The following PPP1R9A variants were observed in gnomAD, a reference collection of about 807,000 sequenced individuals.
PPP1R9A encodes protein phosphatase 1 regulatory subunit 9A.
Under a neutral mutation model 141.9 loss-of-function variants are expected in PPP1R9A, and 59 were observed. The ratio of observed to expected loss-of-function variants is 0.42; its 90% CI spans 0.34 to 0.52. The LOEUF (loss-of-function observed/expected upper bound fraction) is 0.52. Ranked by LOEUF, PPP1R9A falls within the 20% of genes least tolerant of loss-of-function variation. The pLI, the probability that PPP1R9A is intolerant of heterozygous loss-of-function variation, is 0.10. For missense variants in PPP1R9A, 1,444 were observed against 1,611.9 expected, an observed-to-expected ratio of 0.90 and a Z score of 1.78; for synonymous variants, 500 against 569.7, an observed-to-expected ratio of 0.88 and a Z score of 1.74.
chr7:95,000,974 TG>T (rs1423663101), intron 2 of PPP1R9A, among the ~76,000 whole-genome samples: 2 of 152,318 alleles, frequency 1.3e-5, no homozygotes, highest in South Asian at 2.1e-4. Flanking sequence ...AAATTGTAAT[TG>T]TAATTATCTT....
chr7:94,920,775 A>C (rs1470398510), intron 2 of PPP1R9A, among the ~76,000 whole-genome samples: 1 of 152,240 alleles, frequency 6.6e-6, no homozygotes, highest in African/African-American at 2.4e-5. Flanking sequence ...AGGTTTCTTT[A>C]CAGGAATAAG....
intron 7 of PPP1R9A, among the ~76,000 whole-genome samples, chr7:95,223,282 T>C (rs1244208914): frequency 6.6e-6 from 1 of 152,050 alleles, no homozygotes; most frequent in East Asian, 1.9e-4. Context: ...GAAGAACGCT[T>C]AACAACGTAT....
At chr7:95,193,734 ATC>A (rs1835846132) in intron 5 of PPP1R9A, among the ~76,000 whole-genome samples, 1 of 152,082 alleles carries the variant, frequency 6.6e-6, no homozygotes, top group East Asian at 1.9e-4. Context: ...CTGCTTTAAA[ATC>A]TCTCACAGGG....
intron 8 of PPP1R9A, among the ~76,000 whole-genome samples, chr7:95,246,877 A>G (rs1204676068): frequency 6.6e-6 from 1 of 152,152 alleles, no homozygotes; most frequent in African/African-American, 2.4e-5. Context: ...TGAGTCTTCA[A>G]AAGGAGCAGA....
At chr7:95,273,335 C>G (rs1043205499) in intron 14 of PPP1R9A, among the ~76,000 whole-genome samples, 41 of 152,180 alleles carry the variant, frequency 2.7e-4, no homozygotes, top group Admixed American at 2.0e-4. Flanking sequence ...TCCCCCATGT[C>G]CTCCCCTCCT....
chr7:95,115,916 C>CAAAAAAA (rs746135056), intron 3 of PPP1R9A, among the ~76,000 whole-genome samples: 1 of 60,226 alleles, frequency 1.7e-5, no homozygotes. Flanking sequence ...GACTCTGTCT[C>CAAAAAAA]AAAAAAAAAA....
chr7:94,982,379 A>G (rs902351862), intron 2 of PPP1R9A, among the ~76,000 whole-genome samples: 26 of 152,322 alleles, frequency 1.7e-4, no homozygotes, highest in African/African-American at 6.3e-4. Flanking sequence ...TTCTAGTTCT[A>G]GATCCTTGAG....
intron 2 of PPP1R9A, among the ~76,000 whole-genome samples, chr7:95,027,390 C>A (rs900495659): frequency 6.6e-6 from 1 of 152,108 alleles, no homozygotes; most frequent in East Asian, 1.9e-4. Context: ...CACCCTGCTT[C>A]GGCTCGCCCC....
At chr7:95,175,256 T>TTGGA (rs61519780) in intron 5 of PPP1R9A, among the ~76,000 whole-genome samples, 108,567 of 146,588 alleles carry the variant, frequency 0.74, 41,064 homozygotes, top group Middle Eastern at 0.86. Flanking sequence ...CAATAACTAG[T>TTGGA]TGGATGGATG....
intron 4 of PPP1R9A, among the ~76,000 whole-genome samples, chr7:95,136,975 G>A (rs941539898): frequency 1.3e-5 from 2 of 152,138 alleles, no homozygotes; most frequent in Middle Eastern, 3.2e-3. Flanking sequence ...GGATAGGCAG[G>A]TGACTTCAAA....
chr7:95,250,229 G>T lies in PPP1R9A; in HGVS notation c.2370G>T (p.Lys790Asn). 4 of 1,608,702 alleles carry T rather than the reference G, an allele frequency of 2.5e-6. No homozygotes were observed. Among genetic ancestry groups the T allele is most frequent in the Non-Finnish European group, 3.4e-6 (4 of 1,178,730 alleles). The part of the protein sequence containing the change: ...QALEKKYNKA[K>N]KLIKDFQQKE... Reference sequence around the variant, plus strand: ...TGGAAAAGAAATACAACAAGGCAAAGAAGTTGATCAAGGATTTTCAACAAA... The same window carrying T: ...TGGAAAAGAAATACAACAAGGCAAATAAGTTGATCAAGGATTTTCAACAAA... The change falls in exon 10 of 20, where the codon AAG (lysine) becomes AAT (asparagine). Residue 790 changes from lysine to asparagine, a missense_variant. Around this residue, in one of 5 missense-constraint regions of PPP1R9A, gnomAD observed 488 missense variants for 542.0 expected, o/e 0.90. Coordinates refer to ENST00000433360, the MANE Select transcript of PPP1R9A (RefSeq NM_001166160.2).
intron 8 of PPP1R9A, among the ~76,000 whole-genome samples, chr7:95,237,740 T>G (rs767825443): frequency 8.6e-4 from 131 of 152,232 alleles, no homozygotes; most frequent in Middle Eastern, 3.4e-3. Flanking sequence ...AATATCTCTC[T>G]TGTCCTTTAT....
intron 4 of PPP1R9A, among the ~76,000 whole-genome samples, chr7:95,157,553 G>A (rs1829830291): frequency 6.6e-6 from 1 of 152,182 alleles, no homozygotes; most frequent in Non-Finnish European, 1.5e-5. Context: ...GAGCTCCATG[G>A]AGCATGTATC....
chr7:94,973,075 C>A (rs919963229), intron 2 of PPP1R9A, among the ~76,000 whole-genome samples: 1 of 152,138 alleles, frequency 6.6e-6, no homozygotes, highest in African/African-American at 2.4e-5. Context: ...ATGTTTCAGT[C>A]ATTTAAAACA....
chr7:95,215,334 G>A (rs961383345), intron 7 of PPP1R9A, among the ~76,000 whole-genome samples: 1 of 152,030 alleles, frequency 6.6e-6, no homozygotes, highest in South Asian at 2.1e-4. Flanking sequence ...GTATTCCATG[G>A]TGTATATGTG....
At chr7:95,262,198 T>C (rs1200104639) in intron 12 of PPP1R9A, among the ~76,000 whole-genome samples, 1 of 152,168 alleles carries the variant, frequency 6.6e-6, no homozygotes, top group Admixed American at 6.5e-5. Context: ...ACAATATCAA[T>C]GTCAAGAAAA....
intron 4 of PPP1R9A, among the ~76,000 whole-genome samples, chr7:95,124,235 T>G (rs1823145616): frequency 1.3e-5 from 2 of 152,310 alleles, no homozygotes; most frequent in South Asian, 4.1e-4. Flanking sequence ...GTGCAGTTCC[T>G]CTAGTCAATA....
chr7:95,248,380 C>T (rs912038838), intron 9 of PPP1R9A, among the ~76,000 whole-genome samples: 3 of 150,272 alleles, frequency 2.0e-5, no homozygotes, highest in Non-Finnish European at 4.4e-5. Context: ...ATTAGCAAGG[C>T]TATTTTGGTT....
chr7:95,286,717 T>C (rs903684001), intron 18 of PPP1R9A, among the ~76,000 whole-genome samples: 2 of 151,884 alleles, frequency 1.3e-5, no homozygotes. Context: ...AGGTCTCTGA[T>C]TGAGAATCAA....
Sources: gnomAD v4.1 joint callset for allele counts (sites outside exome capture counted in the v4.1 genomes callset) on GRCh38, gnomAD v4.1.1 for gene constraint, gnomAD v4.1.1 regional missense constraint, MANE v1.5 for transcripts, NCBI Gene and HGNC (gene_info 2026-07-23, HGNC 2026-07-21) for gene names.